Variants in ANK2 observed in about 807,000 individuals in gnomAD.
ANK2 encodes the protein ankyrin-2.
ANK2 carries 83 observed loss-of-function variants against 360.5 expected under a neutral mutation model. The ratio of observed to expected loss-of-function variants is 0.23; its 90% CI spans 0.19 to 0.28. ANK2 has a LOEUF of 0.28. Ranked by LOEUF, ANK2 falls within the 10% of genes least tolerant of loss-of-function variation. The probability of loss-of-function intolerance (pLI) is 1.00; values close to 1 mark genes in which losing one functional copy is unlikely to be tolerated. For missense variants in ANK2, 4,201 were observed against 4,795.7 expected, an observed-to-expected ratio of 0.88 and a Z score of 3.66; for synonymous variants, 1,740 against 1,759.5, an observed-to-expected ratio of 0.99 and a Z score of 0.28.
At position 113,312,911 on chromosome 4, in the gene ANK2, G is replaced by T. The variant is rs145970315; in HGVS notation, c.2693+1512G>T. Reference sequence around the variant, plus strand: ...AGAAGCAATTGTTCGTGTATTAACTGCAGGTGTCATGAGAGGACTAGCACT... The same window carrying T: ...AGAAGCAATTGTTCGTGTATTAACTTCAGGTGTCATGAGAGGACTAGCACT... On this transcript the variant is annotated intron_variant, in intron 24 of 45. Transcript: ENST00000357077. 3.3e-5 allele frequency among the ~76,000 whole-genome samples: 5 copies of T among 152,294 alleles called. No individual in the cohort carries two copies. In the East Asian group the frequency reaches 7.7e-4, roughly 24 times the overall value.
intron 23 of ANK2, among the ~76,000 whole-genome samples, chr4:113,310,172 T>A (rs1193236458): frequency 6.6e-6 from 1 of 152,088 alleles, no homozygotes; most frequent in Admixed American, 6.5e-5. Flanking sequence ...ATTAAGGAGT[T>A]TTGTGGATTT....
At chr4:113,160,667 C>T (rs1332069306) in intron 1 of ANK2, among the ~76,000 whole-genome samples, 2 of 152,086 alleles carry the variant, frequency 1.3e-5, no homozygotes, top group Non-Finnish European at 2.9e-5. Flanking sequence ...CTGTGCTGGA[C>T]AGTGGAAATA....
intron 1 of ANK2, among the ~76,000 whole-genome samples, chr4:112,866,986 T>C (rs138625390): frequency 0.017 from 2,526 of 152,218 alleles, 37 homozygotes; most frequent in Middle Eastern, 0.027. Context: ...TTATTTGTAT[T>C]TCTATAGGTC....
At chr4:112,950,865 G>C (rs1561244725) in intron 2 of ANK2, among the ~76,000 whole-genome samples, 1 of 150,802 alleles carries the variant, frequency 6.6e-6, no homozygotes, top group Non-Finnish European at 1.5e-5. Flanking sequence ...GGCGGATCAC[G>C]AGGTCAGGAG....
chr4:113,142,323 A>T (rs113464808), intron 1 of ANK2, among the ~76,000 whole-genome samples: 1 of 152,146 alleles, frequency 6.6e-6, no homozygotes, highest in African/African-American at 2.4e-5. Flanking sequence ...AGAACTAGAA[A>T]CGTTTTAACT....
chr4:112,731,293 CAAAAA>C, the ANK2 span, among the ~76,000 whole-genome samples: 1 of 65,030 alleles, frequency 1.5e-5, no homozygotes, highest in South Asian at 5.0e-4. Context: ...GATGTAGTCT[CAAAAA>C]AAAAAAAAAA....
At chr4:113,341,250 A>G (rs770095717) in intron 32 of ANK2, among the ~76,000 whole-genome samples, 6 of 152,208 alleles carry the variant, frequency 3.9e-5, no homozygotes, top group Non-Finnish European at 7.4e-5. Context: ...AAAGAGTTTC[A>G]GGAAATGAAA....
chr4:113,212,376 A>T (rs2099033345), intron 4 of ANK2, among the ~76,000 whole-genome samples: 1 of 152,220 alleles, frequency 6.6e-6, no homozygotes, highest in Admixed American at 6.5e-5. Context: ...ATTTGAATGC[A>T]TGTACAATAC....
intron 1 of ANK2, among the ~76,000 whole-genome samples, chr4:113,125,260 T>A (rs939056053): frequency 2.6e-5 from 4 of 152,136 alleles, no homozygotes; most frequent in African/African-American, 7.2e-5. Flanking sequence ...CTCTATGTTA[T>A]TTTTTCATAA....
At chr4:113,182,120 A>G (rs1182415687) in intron 2 of ANK2, among the ~76,000 whole-genome samples, 1 of 152,146 alleles carries the variant, frequency 6.6e-6, no homozygotes, top group Non-Finnish European at 1.5e-5. Flanking sequence ...TTTCAAAAAT[A>G]CAGCTGATTT....
intron 2 of ANK2, among the ~76,000 whole-genome samples, chr4:113,014,895 G>C (rs1359915671): frequency 1.1e-4 from 12 of 110,562 alleles, no homozygotes; most frequent in Non-Finnish European, 2.0e-4. Context: ...GTCTCGCTCT[G>C]TCACCCAGGC....
intron 2 of ANK2, among the ~76,000 whole-genome samples, chr4:113,008,228 G>T (rs931656305): frequency 2.0e-5 from 3 of 151,388 alleles, no homozygotes; most frequent in African/African-American, 4.9e-5. Flanking sequence ...ATTATATAAA[G>T]CTTTGTGTGC....
At chr4:112,914,607 A>G (rs1419225899) in intron 2 of ANK2, among the ~76,000 whole-genome samples, 2 of 152,072 alleles carry the variant, frequency 1.3e-5, no homozygotes, top group African/African-American at 4.8e-5. Context: ...CTGTCTCAAA[A>G]AGAAAAGAAA....
rs29425 is a variant in ANK2 at position 113,257,426 on chromosome 4, T to A, written c.1189-624T>A. Among the ~76,000 whole-genome samples, 504 of 152,286 alleles carry A rather than the reference T, an allele frequency of 3.3e-3. 17 individuals are homozygous for A. The East Asian group carries it at 0.067, about 20-fold the overall frequency. On this transcript the variant is annotated intron_variant, in intron 11 of 45. Transcript: ENST00000357077. ...ACATTTCTTGAAAATATTCGAGAAC[T>A]TAACAGTCATTTCTTTATACAATAA...
At chr4:113,033,508 TAA>T (rs1451604651) in intron 2 of ANK2, among the ~76,000 whole-genome samples, 2 of 151,998 alleles carry the variant, frequency 1.3e-5, no homozygotes, top group Non-Finnish European at 2.9e-5. Context: ...CATCAAATGA[TAA>T]GTTAGTGTTA....
At chr4:112,957,621 G>A (rs565620533) in intron 2 of ANK2, among the ~76,000 whole-genome samples, 162 of 151,044 alleles carry the variant, frequency 1.1e-3, no homozygotes, top group African/African-American at 3.8e-3. Flanking sequence ...CCTCCCGGAC[G>A]GGGCGGCTGG....
intron 2 of ANK2, among the ~76,000 whole-genome samples, chr4:113,007,667 A>T (rs996379026): frequency 6.6e-6 from 1 of 152,192 alleles, no homozygotes; most frequent in African/African-American, 2.4e-5. Context: ...TATTGATGAT[A>T]AGGAAATTTG....
chr4:113,286,658 C>T (rs1222138404), intron 18 of ANK2, among the ~76,000 whole-genome samples: 3 of 152,098 alleles, frequency 2.0e-5, no homozygotes, highest in Admixed American at 6.6e-5. Flanking sequence ...ACTCAGAGCC[C>T]AGGTAGCCAC....
At chr4:113,093,396 C>G (rs1006122459) in intron 1 of ANK2, among the ~76,000 whole-genome samples, 1 of 152,098 alleles carries the variant, frequency 6.6e-6, no homozygotes, top group African/African-American at 2.4e-5. Flanking sequence ...GAGTCTTGCT[C>G]TGTCACCCAG....
Sources: allele counts gnomAD v4.1 joint callset (sites outside exome capture counted in the v4.1 genomes callset), GRCh38; gene constraint gnomAD v4.1.1; transcripts MANE v1.5; gene names NCBI Gene and HGNC (gene_info 2026-07-23, HGNC 2026-07-21).